GNB4: variants seen among roughly 807,000 people sequenced by gnomAD.
GNB4 encodes the protein guanine nucleotide-binding protein subunit beta-4.
In GNB4, 28 loss-of-function variants were observed where a neutral mutation model predicts 45.2. That is an observed-to-expected ratio of 0.62 (90% CI 0.46 to 0.85). The LOEUF (loss-of-function observed/expected upper bound fraction) is 0.85, where lower values mean the gene tolerates loss of function less well. Ranked by LOEUF, GNB4 falls within the 40% of genes least tolerant of loss-of-function variation. The pLI, the probability that GNB4 is intolerant of heterozygous loss-of-function variation, is 0.00. For synonymous variants in GNB4, 132 were observed against 143.7 expected, an observed-to-expected ratio of 0.92 and a Z score of 0.58; for missense variants, 321 against 425.4, an observed-to-expected ratio of 0.75 and a Z score of 2.16.
At chr3:179,526,329 T>G in the GNB4 span, among the ~76,000 whole-genome samples, 1 of 152,226 alleles carries the variant, frequency 6.6e-6, no homozygotes, top group Non-Finnish European at 1.5e-5. Flanking sequence ...ATGGCTTAGC[T>G]TGAGCTCAGA....
chr3:179,464,334 C>A, the GNB4 span: 1 of 702,948 alleles, frequency 1.4e-6, no homozygotes, highest in Non-Finnish European at 2.6e-6. Context: ...GGCGCAGTCA[C>A]CGGCACAGGC....
intron 8 of GNB4, among the ~76,000 whole-genome samples, chr3:179,411,249 C>A (rs2108586855): frequency 6.6e-6 from 1 of 152,152 alleles, no homozygotes. Flanking sequence ...ATTATAGTTT[C>A]ATTTCTAAGC....
the GNB4 span, among the ~76,000 whole-genome samples, chr3:179,524,884 A>C: frequency 6.6e-6 from 1 of 152,308 alleles, no homozygotes; most frequent in East Asian, 1.9e-4. Context: ...TAGTTTCGGA[A>C]TGAAACTGTA....
At chr3:179,518,323 G>C in the GNB4 span, among the ~76,000 whole-genome samples, 1 of 152,110 alleles carries the variant, frequency 6.6e-6, no homozygotes, top group African/African-American at 2.4e-5. Flanking sequence ...AACAGTCTGA[G>C]GTGCCTGATA....
chr3:179,413,363 A>C, intron 8 of GNB4, 49 bp downstream of exon 8: 1 of 1,444,548 alleles, frequency 6.9e-7, no homozygotes. Flanking sequence ...CATAGAGCTC[A>C]ACACTTTAAA....
intron 8 of GNB4, among the ~76,000 whole-genome samples, chr3:179,409,186 A>C (rs1249202105): frequency 1.3e-5 from 2 of 151,866 alleles, no homozygotes; most frequent in Non-Finnish European, 2.9e-5. Context: ...AAAAAGTTCC[A>C]AATCAATGAC....
chr3:179,431,911 A>G (rs1715322089), intron 1 of GNB4, among the ~76,000 whole-genome samples: 1 of 152,194 alleles, frequency 6.6e-6, no homozygotes, highest in Admixed American at 6.5e-5. Context: ...AGAACCTTTC[A>G]GTTTCAAGTG....
chr3:179,517,278 A>AC, the GNB4 span, among the ~76,000 whole-genome samples: 572 of 151,642 alleles, frequency 3.8e-3, 6 homozygotes, highest in African/African-American at 0.013. Flanking sequence ...GCACCTTGTG[A>AC]CCCCCACCCC....
At chr3:179,456,882 C>T in the GNB4 span, among the ~76,000 whole-genome samples, 52 of 152,232 alleles carry the variant, frequency 3.4e-4, no homozygotes, top group East Asian at 5.8e-3. Context: ...CTTATTGCTG[C>T]GCAGCATTCC....
At chr3:179,489,009 A>ATATATATATAT in the GNB4 span, among the ~76,000 whole-genome samples, 2 of 37,366 alleles carry the variant, frequency 5.4e-5, no homozygotes, top group African/African-American at 2.4e-4. Context: ...AAAAAAAAAA[A>ATATATATATAT]AAAAAAAAAA....
chr3:179,470,521 AT>A, the GNB4 span, among the ~76,000 whole-genome samples: 2 of 150,228 alleles, frequency 1.3e-5, no homozygotes, highest in African/African-American at 2.4e-5. Context: ...AAAGAAAAAA[AT>A]ATATATATAT....
the GNB4 span, among the ~76,000 whole-genome samples, chr3:179,520,889 G>A: frequency 0.52 from 78,943 of 151,730 alleles, 21,033 homozygotes; most frequent in East Asian, 0.72. Context: ...GCAAAGGCAG[G>A]CTATGCTATA....
intron 1 of GNB4, among the ~76,000 whole-genome samples, chr3:179,443,083 A>C (rs1165912729): frequency 6.6e-6 from 1 of 152,226 alleles, no homozygotes; most frequent in East Asian, 1.9e-4. Flanking sequence ...ACAACTGGGG[A>C]TATCAGAATT....
rs1714225443 is a variant in GNB4 at position 179,399,640 on chromosome 3, T to C, written c.*1573A>G. Reference sequence around the variant, plus strand: ...AATTGTCAACTGATTTTAATAAAACTGATACATCTTTACAGTTGATGCACA... The same window carrying C: ...AATTGTCAACTGATTTTAATAAAACCGATACATCTTTACAGTTGATGCACA... On this transcript the variant is annotated 3_prime_UTR_variant, in exon 10 of 10. Transcript: ENST00000232564. 1 of 152,226 alleles carries C rather than the reference T, an allele frequency of 6.6e-6. No individual in the cohort carries two copies. The highest frequency in any genetic ancestry group is 1.5e-5 in the Non-Finnish European group (1 of 68,044). 9.4% of individuals were successfully genotyped at this position (152,226 alleles called of 1,614,324 possible). A position where few individuals can be genotyped will look rare whatever the true frequency, so the allele number is the denominator to read the frequency against.
chr3:179,527,038 G>A, the GNB4 span, among the ~76,000 whole-genome samples: 1 of 152,178 alleles, frequency 6.6e-6, no homozygotes, highest in Admixed American at 6.5e-5. Flanking sequence ...CTGGGAAAAG[G>A]GTCTTTAGCA....
At chr3:179,436,317 G>A (rs971152661) in intron 1 of GNB4, among the ~76,000 whole-genome samples, 1 of 152,184 alleles carries the variant, frequency 6.6e-6, no homozygotes, top group Non-Finnish European at 1.5e-5. Context: ...TTGAATCCAG[G>A]AGGCAGAGGT....
the GNB4 span, among the ~76,000 whole-genome samples, chr3:179,480,670 T>G: frequency 2.6e-5 from 4 of 152,090 alleles, no homozygotes; most frequent in Non-Finnish European, 4.4e-5. Flanking sequence ...ATGTCCACAT[T>G]GATAAGATAG....
At chr3:179,465,366 G>A in the GNB4 span, 4 of 790,280 alleles carry the variant, frequency 5.1e-6, no homozygotes, top group African/African-American at 3.4e-5. Context: ...CACTTTGGGA[G>A]GCCGAGGCGG....
chr3:179,432,909 T>C (rs1241744439), intron 1 of GNB4, among the ~76,000 whole-genome samples: 3 of 152,062 alleles, frequency 2.0e-5, no homozygotes, highest in Non-Finnish European at 2.9e-5. Flanking sequence ...AAGAAAAATA[T>C]GGAAAGTGGA....
Sources: allele counts gnomAD v4.1 joint callset (sites outside exome capture counted in the v4.1 genomes callset), GRCh38; gene constraint gnomAD v4.1.1; transcripts MANE v1.5; gene names NCBI Gene and HGNC (gene_info 2026-07-23, HGNC 2026-07-21).